The following BACH2 variants were observed in gnomAD, a reference collection of about 807,000 sequenced individuals.
BACH2 encodes the protein BACH transcriptional regulator 2, also known as transcription regulator protein BACH2.
A neutral mutation model predicts 61.8 loss-of-function variants in BACH2; 5 were observed. The ratio of observed to expected loss-of-function variants is 0.08; its 90% CI spans 0.04 to 0.17. The LOEUF (loss-of-function observed/expected upper bound fraction) is 0.17. Ranked by LOEUF, BACH2 falls within the 10% of genes least tolerant of loss-of-function variation. The pLI is 1.00. For missense variants in BACH2, 824 were observed against 1,091.1 expected (o/e 0.76, Z 3.45); for synonymous variants, 446 against 440.1 (o/e 1.01, Z -0.17).
At chr6:90,259,236 A>G (rs1261684818) in intron 2 of BACH2, among the ~76,000 whole-genome samples, 1 of 152,182 alleles carries the variant, frequency 6.6e-6, no homozygotes, top group Non-Finnish European at 1.5e-5. Context: ...TACACAGAGA[A>G]GCTTTCCTTC....
At chr6:90,283,250 T>C (rs1361274559) in intron 1 of BACH2, among the ~76,000 whole-genome samples, 1 of 152,230 alleles carries the variant, frequency 6.6e-6, no homozygotes, top group Non-Finnish European at 1.5e-5. Context: ...TGAACCAGTA[T>C]TATTTATGTG....
At chr6:90,061,080 G>C (rs1164752201) in intron 5 of BACH2, among the ~76,000 whole-genome samples, 2 of 152,178 alleles carry the variant, frequency 1.3e-5, no homozygotes, top group Non-Finnish European at 2.9e-5. Flanking sequence ...TTTTTAGAAA[G>C]TAGGAGAGTG....
At chr6:90,111,577 G>C (rs775462798) in intron 4 of BACH2, among the ~76,000 whole-genome samples, 1 of 152,164 alleles carries the variant, frequency 6.6e-6, no homozygotes, top group Non-Finnish European at 1.5e-5. Context: ...CTCCAGCCTG[G>C]AAGGCTCCTC....
chr6:90,155,075 A>T (rs531533467), intron 4 of BACH2, among the ~76,000 whole-genome samples: 43 of 152,226 alleles, frequency 2.8e-4, no homozygotes, highest in Non-Finnish European at 5.6e-4. Flanking sequence ...TGCGATCTGT[A>T]ATTTATATGG....
At chr6:90,014,461 TATATATA>T (rs1451746423) in intron 5 of BACH2, among the ~76,000 whole-genome samples, 2 of 70,292 alleles carry the variant, frequency 2.8e-5, no homozygotes, top group East Asian at 3.7e-4. Context: ...TATATATATA[TATATATA>T]TTTTTTTTTT....
intron 6 of BACH2, among the ~76,000 whole-genome samples, chr6:89,967,440 G>C (rs1201123298): frequency 4.6e-5 from 7 of 152,174 alleles, no homozygotes; most frequent in Non-Finnish European, 7.3e-5. Context: ...CCAGTATTTG[G>C]ATGGAATTTT....
At chr6:90,085,720 T>C (rs908513116) in intron 5 of BACH2, among the ~76,000 whole-genome samples, 3 of 152,192 alleles carry the variant, frequency 2.0e-5, no homozygotes, top group Non-Finnish European at 4.4e-5. Flanking sequence ...AGAGACATAA[T>C]GATCTGTTCT....
At chr6:89,947,550 C>T (rs2128355956) in intron 7 of BACH2, among the ~76,000 whole-genome samples, 1 of 152,076 alleles carries the variant, frequency 6.6e-6, no homozygotes, top group African/African-American at 2.4e-5. Context: ...TTCAGGAATG[C>T]AGAAGATGGA....
At chr6:90,200,824 A>G (rs1768931945) in intron 4 of BACH2, among the ~76,000 whole-genome samples, 1 of 152,184 alleles carries the variant, frequency 6.6e-6, no homozygotes, top group Non-Finnish European at 1.5e-5. Context: ...CATATTTTAA[A>G]GATAATTAGT....
rs1209998293 is a variant in BACH2 at position 89,950,940 on chromosome 6, G to A, written c.1166C>T (p.Thr389Ile). The A allele has an allele frequency of 1.9e-6, 3 of 1,573,606 alleles. No individual in the cohort carries two copies. Reference sequence around the variant, plus strand: ...CACGTGGGGCTGTCCATAATTCCCTGTGAAAGGGGTGTAGTCAGTTTTAAG... The same window carrying A: ...CACGTGGGGCTGTCCATAATTCCCTATGAAAGGGGTGTAGTCAGTTTTAAG... ...GDLKTDYTPF[T>I]GNYGQPHVGQ... is the part of the protein sequence containing the mutation. The change falls in exon 7 of 9, where the codon ACA (threonine) becomes ATA (isoleucine). Residue 389 changes from threonine (T) to isoleucine (I), a missense_variant. By Grantham distance (89) the Thr-to-Ile change is moderately conservative. Coordinates refer to ENST00000257749, the MANE Select transcript of BACH2 (RefSeq NM_021813.4). This position sits in a 1 kb window ranked among gnomAD's most constrained non-coding sequence, Gnocchi z 5.3.
chr6:90,219,593 A>AT (rs1207738196), intron 3 of BACH2, among the ~76,000 whole-genome samples: 1 of 152,208 alleles, frequency 6.6e-6, no homozygotes, highest in East Asian at 1.9e-4. Context: ...GCACAGCTGT[A>AT]TTGTAAACAC....
chr6:89,973,512 G>GT (rs1476502092), intron 6 of BACH2, among the ~76,000 whole-genome samples: 6 of 152,182 alleles, frequency 3.9e-5, no homozygotes, highest in Non-Finnish European at 8.8e-5. Context: ...AGTGGACTTT[G>GT]TGATTCCGAC....
chr6:90,223,819 G>A (rs1769822945), intron 3 of BACH2, among the ~76,000 whole-genome samples: 2 of 152,052 alleles, frequency 1.3e-5, no homozygotes, highest in African/African-American at 4.8e-5. Context: ...TTACTTCTGT[G>A]TCTGTATTTG....
chr6:90,211,142 A>AAG (rs1337542513), intron 3 of BACH2, among the ~76,000 whole-genome samples: 1 of 151,086 alleles, frequency 6.6e-6, no homozygotes, highest in African/African-American at 2.4e-5. Flanking sequence ...AAAAAAAAAA[A>AAG]AAAAAAAGGC....
At chr6:89,986,349 G>A (rs190340721) in intron 6 of BACH2, among the ~76,000 whole-genome samples, 2 of 151,942 alleles carry the variant, frequency 1.3e-5, no homozygotes, top group Non-Finnish European at 1.5e-5. Context: ...CTCCTACTGC[G>A]TTTTTGTTCA....
At chr6:90,075,328 T>C (rs1781425446) in intron 5 of BACH2, among the ~76,000 whole-genome samples, 2 of 152,166 alleles carry the variant, frequency 1.3e-5, no homozygotes, top group Admixed American at 6.5e-5. Flanking sequence ...ATGCTGAGGA[T>C]GATATATGGC....
intron 5 of BACH2, among the ~76,000 whole-genome samples, chr6:90,014,465 T>C (rs1777933349): frequency 1.4e-5 from 1 of 70,940 alleles, no homozygotes; most frequent in African/African-American, 7.6e-5. Flanking sequence ...TATATATATA[T>C]ATATTTTTTT....
At chr6:90,104,822 G>C (rs1288024058) in intron 4 of BACH2, among the ~76,000 whole-genome samples, 2 of 152,180 alleles carry the variant, frequency 1.3e-5, no homozygotes, top group Non-Finnish European at 2.9e-5. Flanking sequence ...ATGGGGGACT[G>C]GGGGAGTGGG....
At chr6:89,968,079 T>TGC (rs1198422773) in intron 6 of BACH2, among the ~76,000 whole-genome samples, 4 of 152,222 alleles carry the variant, frequency 2.6e-5, no homozygotes, top group African/African-American at 9.6e-5. Context: ...CCATGACCAC[T>TGC]GCCTAGATGC....
Sources: allele counts gnomAD v4.1 joint callset (sites outside exome capture counted in the v4.1 genomes callset), GRCh38; gene constraint gnomAD v4.1.1; non-coding constraint Gnocchi (gnomAD v3.1); transcripts MANE v1.5; gene names NCBI Gene and HGNC (gene_info 2026-07-23, HGNC 2026-07-21).